The following MTDH variants were observed in gnomAD, a reference collection of about 807,000 sequenced individuals.
The protein encoded by MTDH is metadherin.
In MTDH, 34 loss-of-function variants were observed where a neutral mutation model predicts 72.7. That is an observed-to-expected ratio of 0.47 (90% confidence interval 0.36 to 0.62). The LOEUF (loss-of-function observed/expected upper bound fraction) is 0.62, where lower values mean the gene tolerates loss of function less well. Ranked by LOEUF, MTDH falls within the 20% of genes least tolerant of loss-of-function variation. MTDH has a pLI of 0.00. For missense variants in MTDH, 677 were observed against 699.4 expected, an observed-to-expected ratio of 0.97 and a Z score of 0.36; for synonymous variants, 266 against 268.9, an observed-to-expected ratio of 0.99 and a Z score of 0.10.
chr8:97,649,708 T>TAG (rs1204185935), intron 1 of MTDH, among the ~76,000 whole-genome samples: 2 of 149,668 alleles, frequency 1.3e-5, no homozygotes, highest in Non-Finnish European at 3.0e-5. Flanking sequence ...GACTCAAGCA[T>TAG]TCCTCCCACC....
intron 8 of MTDH, among the ~76,000 whole-genome samples, chr8:97,707,867 A>G (rs1317022552): frequency 1.3e-5 from 2 of 152,006 alleles, no homozygotes; most frequent in African/African-American, 4.8e-5. Flanking sequence ...AAAAAGAAAA[A>G]AAAAAAGAAA....
intron 2 of MTDH, among the ~76,000 whole-genome samples, chr8:97,683,428 C>T (rs1813222032): frequency 6.6e-6 from 1 of 151,936 alleles, no homozygotes; most frequent in Non-Finnish European, 1.5e-5. Context: ...CAGGGTCTCA[C>T]CCCGTTACCC....
In MTDH at chr8:97,649,591, G is replaced by T. The variant is rs1468833574; in HGVS notation, c.381+4704G>T. Among the ~76,000 whole-genome samples the T allele has an allele frequency of 5.3e-5, 8 of 152,184 alleles. No homozygotes were observed. In the East Asian group the frequency reaches 1.5e-3, roughly 29 times the overall value. On this transcript the variant is annotated intron_variant, in intron 1 of 11. Coordinates refer to ENST00000336273, the MANE Select transcript of MTDH (RefSeq NM_178812.4). ...TAGATTTCTGTGTCTCTTTATTTATGATTATTTTCATTTTTGTTGTTGTTG... is the reference window on the plus strand; with the variant it reads ...TAGATTTCTGTGTCTCTTTATTTATTATTATTTTCATTTTTGTTGTTGTTG...
rs764743242 is a variant in MTDH, at chr8:97,644,704, G to C, written c.198G>C (p.Leu66=). 11 of 1,601,550 alleles carry C rather than the reference G, an allele frequency of 6.9e-6. No individual in the cohort carries two copies. Among genetic ancestry groups the C allele is most frequent in the African/African-American group, 1.4e-5 (1 of 72,760 alleles). Residue 66 remains leucine (L), a synonymous_variant, in exon 1 of 12, where the codon CTG becomes CTC. Transcript: ENST00000336273. ...TGALGLLLLF[L]LGYGWAAACA... ...CGCTCGGGCTGCTGCTGCTGTTTCT[G>C]CTGGGCTACGGCTGGGCCGCGGCTT...
At chr8:97,723,540 G>A (rs1338708929) in intron 11 of MTDH, among the ~76,000 whole-genome samples, 5 of 144,142 alleles carry the variant, frequency 3.5e-5, no homozygotes, top group South Asian at 2.3e-4. Flanking sequence ...TCAGGAGATC[G>A]AGACCATCCT....
chr8:97,701,926 A>G (rs1039454626), intron 7 of MTDH, among the ~76,000 whole-genome samples: 1 of 152,214 alleles, frequency 6.6e-6, no homozygotes, highest in East Asian at 1.9e-4. Context: ...CAAGTTTGTT[A>G]TGCTGTATTG....
chr8:97,706,878 A>T, intron 8 of MTDH, 128 bp downstream of exon 8: 1 of 1,071,424 alleles, frequency 9.3e-7, no homozygotes, highest in Non-Finnish European at 1.3e-6. Context: ...CAGGAGTTCA[A>T]GGCCAGCCTG....
chr8:97,656,150 G>A (rs944176414), intron 1 of MTDH, among the ~76,000 whole-genome samples: 1 of 152,056 alleles, frequency 6.6e-6, no homozygotes, highest in Non-Finnish European at 1.5e-5. Context: ...TACAGTTTAC[G>A]TAACTAAGTG....
intron 6 of MTDH, among the ~76,000 whole-genome samples, chr8:97,697,381 G>GTTTTTTTTTTTT (rs755015450): frequency 1.2e-5 from 1 of 80,194 alleles, no homozygotes; most frequent in Non-Finnish European, 2.2e-5. Flanking sequence ...TATTATTTCG[G>GTTTTTTTTTTTT]TTTTTTTTTT....
intron 7 of MTDH, among the ~76,000 whole-genome samples, chr8:97,705,823 G>T (rs1251087996): frequency 2.0e-5 from 3 of 152,164 alleles, no homozygotes; most frequent in Non-Finnish European, 4.4e-5. Flanking sequence ...GAGAAGGGAA[G>T]AATTAACTTT....
In MTDH at chr8:97,644,941, C is replaced by T. The variant is rs1177393455; in HGVS notation, c.381+54C>T. Reference sequence around the variant, plus strand: ...ACGGGCGAAGGGCGGGCGTGGAGACCCTCGAGCTTGGGGGAGGCCGCGCCC... The same window carrying T: ...ACGGGCGAAGGGCGGGCGTGGAGACTCTCGAGCTTGGGGGAGGCCGCGCCC... On this transcript the variant is annotated intron_variant, in intron 1 of 11. Transcript: ENST00000336273. 4.7e-6 allele frequency: 7 copies of T among 1,475,944 alleles called. No individual in the cohort carries two copies. In the East Asian group the frequency reaches 1.6e-4, roughly 33 times the overall value. The allele number at this position is 1,475,944 out of a possible 1,614,324, so 91.4% of individuals were successfully genotyped here.
intron 1 of MTDH, among the ~76,000 whole-genome samples, chr8:97,650,170 A>T (rs1183516463): frequency 1.4e-5 from 2 of 141,862 alleles, no homozygotes; most frequent in South Asian, 4.5e-4. Flanking sequence ...GTTAGCCAGG[A>T]TGGTCTCGAT....
chr8:97,724,129 C>T lies in MTDH; in HGVS notation c.1679-471C>T, dbSNP rs531334078. 3.3e-5 allele frequency among the ~76,000 whole-genome samples: 5 copies of T among 152,286 alleles called. No individual in the cohort carries two copies. In the East Asian group the frequency reaches 7.7e-4, roughly 23 times the overall value. On this transcript the variant is annotated intron_variant, in intron 11 of 11. Transcript: ENST00000336273. ...ATAAATAAATGATCAATCTATCTATCTATCTCTGAAGGAGAGAATACATTG... is the reference window on the plus strand; with the variant it reads ...ATAAATAAATGATCAATCTATCTATTTATCTCTGAAGGAGAGAATACATTG...
chr8:97,689,897 T>G (rs919717497), intron 5 of MTDH, among the ~76,000 whole-genome samples: 5 of 151,684 alleles, frequency 3.3e-5, no homozygotes, highest in African/African-American at 1.2e-4. Flanking sequence ...TTAGTAGAGA[T>G]GGGGTTTCAC....
chr8:97,717,268 G>A (rs952355716), intron 9 of MTDH, among the ~76,000 whole-genome samples: 3 of 152,068 alleles, frequency 2.0e-5, no homozygotes, highest in Non-Finnish European at 2.9e-5. Context: ...AAAAAGAACG[G>A]CCATTTTATA....
intron 7 of MTDH, among the ~76,000 whole-genome samples, chr8:97,701,730 A>AT (rs1814140369): frequency 6.6e-6 from 1 of 152,202 alleles, no homozygotes; most frequent in Non-Finnish European, 1.5e-5. Context: ...GCAGAGGAAA[A>AT]TTGAGTGGAC....
intron 2 of MTDH, among the ~76,000 whole-genome samples, chr8:97,675,008 C>T (rs1746526375): frequency 6.6e-6 from 1 of 152,044 alleles, no homozygotes; most frequent in South Asian, 2.1e-4. Flanking sequence ...TGGGGTCTCA[C>T]CATGTTGCCC....
At chr8:97,667,808 A>G (rs1414689039) in intron 2 of MTDH, among the ~76,000 whole-genome samples, 1 of 149,094 alleles carries the variant, frequency 6.7e-6, no homozygotes, top group Non-Finnish European at 1.5e-5. Context: ...CCTGGGCAAC[A>G]TAGCGAGACC....
intron 6 of MTDH, among the ~76,000 whole-genome samples, chr8:97,696,569 G>A (rs1240788503): frequency 6.6e-6 from 1 of 152,036 alleles, no homozygotes; most frequent in African/African-American, 2.4e-5. Flanking sequence ...TTCCATTCAG[G>A]TTCATATTCT....
Sources: gnomAD v4.1 joint callset for allele counts (sites outside exome capture counted in the v4.1 genomes callset) on GRCh38, gnomAD v4.1.1 for gene constraint, MANE v1.5 for transcripts, NCBI Gene and HGNC (gene_info 2026-07-23, HGNC 2026-07-21) for gene names.